The following CDH13 variants were observed in gnomAD, a reference collection of about 807,000 sequenced individuals.
CDH13 encodes cadherin-13.
CDH13 carries 24 observed loss-of-function variants against 63.8 expected under a neutral mutation model. The ratio of observed to expected loss-of-function variants is 0.38; its 90% CI spans 0.27 to 0.53. The LOEUF is 0.53. Ranked by LOEUF, CDH13 falls within the 20% of genes least tolerant of loss-of-function variation. CDH13 has a pLI of 0.85. For synonymous variants in CDH13, 503 were observed against 355.3 expected (o/e 1.42, Z -4.67); for missense variants, 1,049 against 903.1 (o/e 1.16, Z -2.07).
intron 1 of CDH13, among the ~76,000 whole-genome samples, chr16:82,693,836 T>A (rs2029930034): frequency 6.6e-6 from 1 of 152,230 alleles, no homozygotes; most frequent in African/African-American, 2.4e-5. Context: ...AGGTCCCCAT[T>A]AAAATTCCAG....
chr16:82,969,211 G>T (rs369596381), intron 2 of CDH13, among the ~76,000 whole-genome samples: 4 of 152,164 alleles, frequency 2.6e-5, no homozygotes, highest in African/African-American at 9.7e-5. Flanking sequence ...CCTGCAAAGG[G>T]CCAGGTAGGC....
At chr16:83,145,867 T>C (rs1186465624) in intron 4 of CDH13, among the ~76,000 whole-genome samples, 1 of 152,098 alleles carries the variant, frequency 6.6e-6, no homozygotes, top group African/African-American at 2.4e-5. Flanking sequence ...TCTGAGGATG[T>C]CACATTTAAA....
At chr16:82,792,499 G>T (rs1473515634) in intron 1 of CDH13, among the ~76,000 whole-genome samples, 1 of 152,074 alleles carries the variant, frequency 6.6e-6, no homozygotes, top group Non-Finnish European at 1.5e-5. Flanking sequence ...GGGGGTTCTG[G>T]ACTCCCTGAG....
intron 3 of CDH13, among the ~76,000 whole-genome samples, chr16:83,090,615 G>A (rs189749340): frequency 2.0e-5 from 3 of 151,146 alleles, no homozygotes; most frequent in East Asian, 3.9e-4. Context: ...TGCTCAAAGA[G>A]AAGTCAGAAA....
In CDH13 at chr16:83,799,299, C is replaced by CAAAAAAAAA. The variant is rs11349889; in HGVS notation, c.*4282_*4290dup. ...CCTGGGCAACAGAGCAAGACTCCGT[C>CAAAAAAAAA]AAAAAAAAAAAAAAAAAAAAAGAAA... On this transcript the variant is annotated 3_prime_UTR_variant, in exon 14 of 14. Transcript: ENST00000567109. 7 of 110,180 alleles carry CAAAAAAAAA rather than the reference C, an allele frequency of 6.4e-5. No homozygotes were observed. The highest frequency in any genetic ancestry group is 1.1e-4 in the Non-Finnish European group (6 of 53,752). The allele number at this position is 110,180 out of a possible 1,614,324, so 6.8% of individuals were successfully genotyped here.
chr16:83,716,366 T>C (rs1218520345), intron 10 of CDH13, among the ~76,000 whole-genome samples: 1 of 152,196 alleles, frequency 6.6e-6, no homozygotes, highest in African/African-American at 2.4e-5. Context: ...GCATCCACCA[T>C]TGTAATACCA....
chr16:83,327,866 C>T (rs533187820), intron 5 of CDH13, among the ~76,000 whole-genome samples: 20 of 152,356 alleles, frequency 1.3e-4, no homozygotes, highest in African/African-American at 4.8e-4. Flanking sequence ...GGCGCAGTGG[C>T]TTACGCCTGT....
intron 1 of CDH13, chr16:82,646,214 G>C (rs554806633): frequency 6.6e-6 from 1 of 152,342 alleles, no homozygotes; most frequent in African/African-American, 2.4e-5. Flanking sequence ...TTTTGAGACG[G>C]AGTCTCGCTC....
chr16:83,713,025 A>G (rs1908299528), intron 10 of CDH13, among the ~76,000 whole-genome samples: 1 of 152,258 alleles, frequency 6.6e-6, no homozygotes, highest in Non-Finnish European at 1.5e-5. Context: ...AATTCTGGCC[A>G]AATATCCCTG....
intron 2 of CDH13, among the ~76,000 whole-genome samples, chr16:82,952,184 A>G (rs1905389154): frequency 6.6e-6 from 1 of 152,160 alleles, no homozygotes; most frequent in Admixed American, 6.5e-5. Flanking sequence ...GTCTCTTGTT[A>G]ACAGGAGAAC....
intron 1 of CDH13, among the ~76,000 whole-genome samples, chr16:82,665,076 T>C (rs1023171922): frequency 2.6e-5 from 4 of 152,228 alleles, no homozygotes; most frequent in Non-Finnish European, 5.9e-5. Flanking sequence ...TCATATGATG[T>C]ATATGCTTCC....
intron 3 of CDH13, among the ~76,000 whole-genome samples, chr16:83,065,636 C>A (rs1047751729): frequency 6.7e-6 from 1 of 149,552 alleles, no homozygotes; most frequent in African/African-American, 2.5e-5. Flanking sequence ...GCCCAGGGGG[C>A]AGAGGTTGCA....
At chr16:83,202,288 G>C (rs2039054789) in intron 4 of CDH13, among the ~76,000 whole-genome samples, 1 of 152,180 alleles carries the variant, frequency 6.6e-6, no homozygotes, top group Non-Finnish European at 1.5e-5. Flanking sequence ...GAAAACGGCT[G>C]CAAAATAGGA....
intron 2 of CDH13, among the ~76,000 whole-genome samples, chr16:82,945,415 A>C (rs1247568735): frequency 6.6e-6 from 1 of 152,206 alleles, no homozygotes; most frequent in African/African-American, 2.4e-5. Context: ...ATGGATATTA[A>C]GATGATGTTT....
intron 7 of CDH13, among the ~76,000 whole-genome samples, chr16:83,588,965 G>A (rs1468826956): frequency 6.6e-6 from 1 of 152,112 alleles, no homozygotes; most frequent in Non-Finnish European, 1.5e-5. Flanking sequence ...GTTTCCTGTG[G>A]CTTCCATAAC....
intron 7 of CDH13, among the ~76,000 whole-genome samples, chr16:83,550,119 C>T (rs2075463516): frequency 6.6e-6 from 1 of 152,224 alleles, no homozygotes; most frequent in Non-Finnish European, 1.5e-5. Context: ...CAACCTTAGA[C>T]TGCAGGATGC....
rs539405856 is a variant in CDH13, at chr16:83,677,705, G to T, written c.1285-503G>T. ...TTTCCTGTTCCATTTGATCCACTGTGATCACAGAGGCAGGGTTATCTTGCT... is the reference window on the plus strand; with the variant it reads ...TTTCCTGTTCCATTTGATCCACTGTTATCACAGAGGCAGGGTTATCTTGCT... On this transcript the variant is annotated intron_variant, in intron 9 of 13. Transcript: ENST00000567109. 7.2e-5 allele frequency among the ~76,000 whole-genome samples: 11 copies of T among 152,254 alleles called. No individual in the cohort carries two copies. In the South Asian group the frequency reaches 2.3e-3, roughly 32 times the overall value.
In CDH13 at chr16:82,858,527, T is replaced by C. The variant is rs185302897; in HGVS notation, c.157+54T>C. 922 of 1,071,466 alleles carry C rather than the reference T, an allele frequency of 8.6e-4. 1 individual carries two copies. The highest frequency in any genetic ancestry group is 1.2e-3 in the Non-Finnish European group (833 of 688,598). The allele number at this position is 1,071,466 out of a possible 1,614,324, so 66.4% of individuals were successfully genotyped here. On this transcript the variant is annotated intron_variant, in intron 2 of 13. Coordinates refer to ENST00000567109, the MANE Select transcript of CDH13 (RefSeq NM_001257.5). ...AGACTCTTCTCATATTTGAATTTAC[T>C]AATGTTTATGACTGTGTCTCAGGAT...
At chr16:83,352,612 C>T (rs139669220) in intron 6 of CDH13, among the ~76,000 whole-genome samples, 13 of 152,250 alleles carry the variant, frequency 8.5e-5, no homozygotes, top group East Asian at 1.9e-4. Flanking sequence ...TAAAATCAGC[C>T]GGGTGCGGTG....
Sources: gnomAD v4.1 joint callset for allele counts (sites outside exome capture counted in the v4.1 genomes callset) on GRCh38, gnomAD v4.1.1 for gene constraint, MANE v1.5 for transcripts, NCBI Gene and HGNC (gene_info 2026-07-23, HGNC 2026-07-21) for gene names.